Variants in MKRN2 observed in about 807,000 individuals in gnomAD.
MKRN2 encodes E3 ubiquitin-protein ligase makorin-2.
Under a neutral mutation model 45.4 loss-of-function variants are expected in MKRN2, and 32 were observed. That is an observed-to-expected ratio of 0.70 (90% CI 0.53 to 0.95). The LOEUF (loss-of-function observed/expected upper bound fraction) is 0.95, where lower values mean the gene tolerates loss of function less well. MKRN2 is among the 40% of genes least tolerant of loss of function. MKRN2 has a pLI of 0.00. For synonymous variants in MKRN2, 206 were observed against 192.4 expected (o/e 1.07, Z -0.59); for missense variants, 526 against 536.7 (o/e 0.98, Z 0.20).
rs908577485 is a variant in MKRN2 at position 12,566,663 on chromosome 3, C to T, written c.27-2212C>T. On this transcript the variant is annotated intron_variant, in intron 1 of 7. Coordinates refer to ENST00000170447, the MANE Select transcript of MKRN2 (RefSeq NM_014160.5). ...TATTGCCCAGGCTGGAGTGCAATGG[C>T]GCGATCTTGGCTCACTGCAACCTCC... is the stretch of plus-strand genomic sequence containing the variant. 9.8e-5 allele frequency among the ~76,000 whole-genome samples: 15 copies of T among 152,294 alleles called. No homozygotes were observed. In the South Asian group the frequency reaches 1.0e-3, roughly 11 times the overall value.
At chr3:12,571,536 T>G (rs1319290557) in intron 3 of MKRN2, among the ~76,000 whole-genome samples, 3 of 152,184 alleles carry the variant, frequency 2.0e-5, no homozygotes, top group Non-Finnish European at 4.4e-5. Flanking sequence ...ACGTGACCTC[T>G]AAACAAGCTC....
intron 6 of MKRN2, among the ~76,000 whole-genome samples, chr3:12,581,131 GA>G (rs1412795022): frequency 6.6e-6 from 1 of 152,166 alleles, no homozygotes; most frequent in Non-Finnish European, 1.5e-5. Flanking sequence ...TCTGTGGGGA[GA>G]ATGGTAGAAT....
At chr3:12,576,946 T>TTTTTTTTTTTTTG in intron 6 of MKRN2, 1 of 271,360 alleles carries the variant, frequency 3.7e-6, no homozygotes, top group Non-Finnish European at 6.8e-6. Flanking sequence ...TTTTTTTTTT[T>TTTTTTTTTTTTTG]TTTTTTTTTT....
rs1403767057 is a variant in MKRN2 at position 12,583,647 on chromosome 3, A to G, written c.*1394A>G. 1 of 233,024 alleles carries G rather than the reference A, an allele frequency of 4.3e-6. No individual in the cohort carries two copies. The highest frequency in any genetic ancestry group is 2.2e-5 in the African/African-American group (1 of 45,348). 14.4% of individuals were successfully genotyped at this position (233,024 alleles called of 1,614,324 possible). ...TTTATTAAAATAACATAATTGAGGG[A>G]CCATCAGATAACTGTATTTTGTCAG... On this transcript the variant is annotated 3_prime_UTR_variant, in exon 8 of 8. Coordinates refer to ENST00000170447, the MANE Select transcript of MKRN2 (RefSeq NM_014160.5).
chr3:12,565,904 C>T (rs1469430437), intron 1 of MKRN2, among the ~76,000 whole-genome samples: 1 of 152,012 alleles, frequency 6.6e-6, no homozygotes, highest in African/African-American at 2.4e-5. Flanking sequence ...CAGGGTCTTG[C>T]TTTGTCACCC....
chr3:12,580,830 C>A (rs986536615), intron 6 of MKRN2, among the ~76,000 whole-genome samples: 1 of 152,248 alleles, frequency 6.6e-6, no homozygotes, highest in African/African-American at 2.4e-5. Flanking sequence ...GCCATCCCAT[C>A]TGACAAGACG....
intron 4 of MKRN2, 85 bp from the exon 5 acceptor site, chr3:12,574,706 TG>T: frequency 1.6e-6 from 2 of 1,219,280 alleles, no homozygotes; most frequent in Non-Finnish European, 2.4e-6. Context: ...ATCTCAGCTG[TG>T]GCAGTGTGGC....
Position 12,571,538 on chromosome 3 carries a change from A to T in MKRN2, c.338-531A>T, listed in dbSNP as rs1386059632. 2.0e-5 allele frequency among the ~76,000 whole-genome samples: 3 copies of T among 152,180 alleles called. No individual in the cohort carries two copies. In the East Asian group the frequency reaches 5.8e-4, roughly 29 times the overall value. ...ATCCTGTGAGAATACGTGACCTCTA[A>T]ACAAGCTCGGAGGTGTGCAGTGGGA... On this transcript the variant is annotated intron_variant, in intron 3 of 7. Transcript: ENST00000170447.
intron 6 of MKRN2, among the ~76,000 whole-genome samples, chr3:12,577,720 G>A (rs2442806): frequency 1 from 151,550 of 151,580 alleles, 75,760 homozygotes; most frequent in Middle Eastern, 1. Context: ...TTGTTGCCCA[G>A]GCTGGAGTGC....
At chr3:12,558,747 G>A (rs1216416704) in intron 1 of MKRN2, among the ~76,000 whole-genome samples, 1 of 152,156 alleles carries the variant, frequency 6.6e-6, no homozygotes, top group Non-Finnish European at 1.5e-5. Flanking sequence ...TCCCAAACAG[G>A]GGTGTTCTGT....
At chr3:12,569,395 C>T (rs1336565083) in intron 2 of MKRN2, among the ~76,000 whole-genome samples, 1 of 151,570 alleles carries the variant, frequency 6.6e-6, no homozygotes, top group African/African-American at 2.4e-5. Context: ...CTCCTGACCT[C>T]GTGATCCTCC....
intron 1 of MKRN2, among the ~76,000 whole-genome samples, chr3:12,563,857 C>T (rs1241129638): frequency 4.0e-5 from 1 of 24,910 alleles, no homozygotes; most frequent in South Asian, 1.6e-3. Flanking sequence ...CGTCCATTAG[C>T]GCACGCTTGA....
At chr3:12,564,685 AT>A (rs2058059894) in intron 1 of MKRN2, among the ~76,000 whole-genome samples, 1 of 152,170 alleles carries the variant, frequency 6.6e-6, no homozygotes, top group African/African-American at 2.4e-5. Flanking sequence ...TTTTTAATGA[AT>A]TTACAAAGTT....
intron 6 of MKRN2, among the ~76,000 whole-genome samples, chr3:12,581,125 T>C (rs935551190): frequency 1.3e-5 from 2 of 152,134 alleles, no homozygotes; most frequent in African/African-American, 2.4e-5. Context: ...TAGAGGTCTG[T>C]GGGGAGAATG....
At chr3:12,575,860 TCTC>T (rs1186260099) in intron 5 of MKRN2, among the ~76,000 whole-genome samples, 3 of 152,312 alleles carry the variant, frequency 2.0e-5, no homozygotes, top group Non-Finnish European at 4.4e-5. Flanking sequence ...AGAGTCCCCT[TCTC>T]CTGGCGGAAT....
Position 12,569,304 on chromosome 3 carries a change from C to T in MKRN2, c.155+301C>T, listed in dbSNP as rs897051699. On this transcript the variant is annotated intron_variant, in intron 2 of 7. Transcript: ENST00000170447. Reference sequence around the variant, plus strand: ...AGTAGCTGAGATTACAGGCATCTGCCACTACGCCTGGCTGATTTTTTTTTT... The same window carrying T: ...AGTAGCTGAGATTACAGGCATCTGCTACTACGCCTGGCTGATTTTTTTTTT... Among the ~76,000 whole-genome samples, 4 of 149,330 alleles carry T rather than the reference C, an allele frequency of 2.7e-5. No individual in the cohort carries two copies. In the Admixed American group the frequency reaches 2.7e-4, roughly 10 times the overall value.
Position 12,570,253 on chromosome 3 carries a change from G to C in MKRN2, c.337+1G>C. ...AGAACATTGGTTCTTAGAGACCGAA[G>C]TGAGTAAGCGGAAGCCTTTTGTTGC... On this transcript the variant is annotated splice_donor_variant, in intron 3 of 7. Coordinates refer to ENST00000170447, the MANE Select transcript of MKRN2 (RefSeq NM_014160.5). LOFTEE classifies it high-confidence loss of function. 1 of 1,612,344 alleles carries C rather than the reference G, an allele frequency of 6.2e-7. No homozygotes were observed. The highest frequency in any genetic ancestry group is 8.5e-7 in the Non-Finnish European group (1 of 1,178,930).
At chr3:12,573,774 T>C (rs1323981118) in intron 4 of MKRN2, among the ~76,000 whole-genome samples, 1 of 151,782 alleles carries the variant, frequency 6.6e-6, no homozygotes, top group Non-Finnish European at 1.5e-5. Flanking sequence ...GCGCCTGTAG[T>C]CCCAGCTACT....
intron 3 of MKRN2, among the ~76,000 whole-genome samples, chr3:12,571,718 G>GT (rs1301534377): frequency 6.6e-6 from 1 of 152,058 alleles, no homozygotes; most frequent in Non-Finnish European, 1.5e-5. Context: ...TGCTCTCACT[G>GT]TTTTTTTGTT....
Sources: gnomAD v4.1 joint callset for allele counts (sites outside exome capture counted in the v4.1 genomes callset) on GRCh38, gnomAD v4.1.1 for gene constraint, MANE v1.5 for transcripts, NCBI Gene and HGNC (gene_info 2026-07-23, HGNC 2026-07-21) for gene names.